Variants in TBC1D22A observed in about 807,000 individuals in gnomAD.
The protein encoded by TBC1D22A is putative GTPase activator.
TBC1D22A carries 38 observed loss-of-function variants against 60.2 expected under a neutral mutation model. That is an observed-to-expected ratio of 0.63 (90% CI 0.49 to 0.83). The LOEUF (loss-of-function observed/expected upper bound fraction) is 0.83. Ranked by LOEUF, TBC1D22A falls within the 40% of genes least tolerant of loss-of-function variation. The pLI is 0.00. For missense variants in TBC1D22A, 628 were observed against 701.0 expected, an observed-to-expected ratio of 0.90 and a Z score of 1.18; for synonymous variants, 302 against 281.7, an observed-to-expected ratio of 1.07 and a Z score of -0.72.
chr22:47,016,459 A>G (rs960377266), intron 10 of TBC1D22A, among the ~76,000 whole-genome samples: 5 of 146,102 alleles, frequency 3.4e-5, no homozygotes, highest in Non-Finnish European at 7.7e-5. Flanking sequence ...TGTTTTGAAT[A>G]CAGTCCTTGC....
chr22:46,852,394 G>A (rs1382710101), intron 4 of TBC1D22A, among the ~76,000 whole-genome samples: 1 of 152,154 alleles, frequency 6.6e-6, no homozygotes, highest in Non-Finnish European at 1.5e-5. Flanking sequence ...TTTCTTCAGC[G>A]ACACCATTCA....
chr22:46,991,138 C>G (rs2074924363), intron 9 of TBC1D22A, among the ~76,000 whole-genome samples: 1 of 152,140 alleles, frequency 6.6e-6, no homozygotes, highest in South Asian at 2.1e-4. Context: ...GTGATGGAGC[C>G]CTTCCTCTCT....
At chr22:46,966,085 C>G (rs1368366494) in intron 8 of TBC1D22A, among the ~76,000 whole-genome samples, 1 of 152,198 alleles carries the variant, frequency 6.6e-6, no homozygotes, top group Non-Finnish European at 1.5e-5. Flanking sequence ...AGGGAAGTCT[C>G]TGGGGCCTCC....
chr22:47,017,683 A>G (rs530054232), intron 10 of TBC1D22A, among the ~76,000 whole-genome samples: 1 of 152,208 alleles, frequency 6.6e-6, no homozygotes, highest in Non-Finnish European at 1.5e-5. Flanking sequence ...CGTTACGAGA[A>G]GTGAGAATTT....
chr22:47,046,956 CT>C (rs779607165), intron 11 of TBC1D22A, among the ~76,000 whole-genome samples: 10 of 152,186 alleles, frequency 6.6e-5, no homozygotes, highest in Non-Finnish European at 1.5e-4. Context: ...AAAGAGTGTA[CT>C]TTCTTTGGGG....
intron 8 of TBC1D22A, among the ~76,000 whole-genome samples, chr22:46,931,898 C>T (rs1232031489): frequency 6.6e-6 from 1 of 152,184 alleles, no homozygotes; most frequent in Non-Finnish European, 1.5e-5. Context: ...ACTTTAAAAG[C>T]TTAATGGCAT....
rs182494404 is a variant in TBC1D22A at position 47,080,432 on chromosome 22, G to T, written c.1330-31076G>T. Among the ~76,000 whole-genome samples the T allele has an allele frequency of 9.5e-4, 144 of 152,260 alleles. 1 individual carries two copies. The highest frequency in any genetic ancestry group is 3.2e-3 in the African/African-American group (134 of 41,556). On this transcript the variant is annotated intron_variant, in intron 11 of 12. Transcript: ENST00000337137. Reference sequence around the variant, plus strand: ...ATCTAACTCTAATAGAATTAAGTTAGAAATTAATCAGAAAGATAAAAATCT... The same window carrying T: ...ATCTAACTCTAATAGAATTAAGTTATAAATTAATCAGAAAGATAAAAATCT...
At chr22:47,147,106 A>C (rs1272357810) in intron 12 of TBC1D22A, among the ~76,000 whole-genome samples, 1 of 152,218 alleles carries the variant, frequency 6.6e-6, no homozygotes, top group Non-Finnish European at 1.5e-5. Context: ...CAGAAGGGCG[A>C]GGGAGGAGCA....
At position 47,136,125 on chromosome 22, in the gene TBC1D22A, T is replaced by C. The variant is rs1601628543; in HGVS notation, c.1425+24522T>C. Among the ~76,000 whole-genome samples, 3 of 152,346 alleles carry C rather than the reference T, an allele frequency of 2.0e-5. 1 individual carries two copies. ...TGAGGCACGATGGTGTGGAAGGCCT[T>C]GGATACTCGGGGGCCAAGGCCCAGG... On this transcript the variant is annotated intron_variant, in intron 12 of 12. Transcript: ENST00000337137.
At chr22:46,870,898 A>C (rs1767129974) in intron 4 of TBC1D22A, among the ~76,000 whole-genome samples, 1 of 152,142 alleles carries the variant, frequency 6.6e-6, no homozygotes, top group Non-Finnish European at 1.5e-5. Flanking sequence ...ACCTCCCAAC[A>C]CTGTTGCACT....
intron 10 of TBC1D22A, among the ~76,000 whole-genome samples, chr22:46,998,488 T>C (rs143981656): frequency 3.3e-5 from 5 of 152,240 alleles, no homozygotes; most frequent in Non-Finnish European, 5.9e-5. Context: ...TTTCACAGAA[T>C]GTGGAGACAA....
intron 8 of TBC1D22A, among the ~76,000 whole-genome samples, chr22:46,964,646 T>A (rs189782660): frequency 5.1e-4 from 77 of 152,374 alleles, no homozygotes; most frequent in African/African-American, 1.8e-3. Flanking sequence ...CATATCCTTC[T>A]GTGATTATAT....
chr22:46,982,316 C>T (rs536937466), intron 9 of TBC1D22A, among the ~76,000 whole-genome samples: 4 of 151,888 alleles, frequency 2.6e-5, no homozygotes, highest in East Asian at 1.9e-4. Flanking sequence ...CTCTGCCTCC[C>T]GGGTTCAAGC....
chr22:46,779,774 G>GC (rs929139332), intron 1 of TBC1D22A, among the ~76,000 whole-genome samples: 4 of 152,216 alleles, frequency 2.6e-5, no homozygotes, highest in Non-Finnish European at 4.4e-5. Flanking sequence ...ACAAAATGCA[G>GC]CCCCTGTAGC....
Position 47,023,726 on chromosome 22 carries a change from T to C in TBC1D22A, c.1202-13345T>C, listed in dbSNP as rs1004586271. 2.6e-5 allele frequency among the ~76,000 whole-genome samples: 4 copies of C among 152,204 alleles called. No individual in the cohort carries two copies. In the South Asian group the frequency reaches 8.3e-4, roughly 32 times the overall value. ...CAAAGAACAGCAAACCAGAGAAACC[T>C]GTTAACCAGCAAAAGTATCTTTCAG... On this transcript the variant is annotated intron_variant, in intron 10 of 12. Transcript: ENST00000337137.
intron 10 of TBC1D22A, among the ~76,000 whole-genome samples, chr22:47,036,174 C>A (rs557896267): frequency 2.4e-4 from 36 of 152,196 alleles, no homozygotes; most frequent in African/African-American, 7.7e-4. Flanking sequence ...GGTGCACCTG[C>A]GTTTTAAAAA....
rs60599043 is a variant in TBC1D22A, at chr22:47,161,273, C to T, written c.1426-12225C>T. Among the ~76,000 whole-genome samples, 1,305 of 152,302 alleles carry T rather than the reference C, an allele frequency of 8.6e-3. 20 individuals are homozygous for T. Among genetic ancestry groups the T allele is most frequent in the African/African-American group, 0.03 (1,245 of 41,554 alleles). The stretch of plus-strand genomic sequence containing the variant: ...GACAACTGGAGGACAGCTATTTTCC[C>T]TCCCAGGCTGGCGACTGTCGGGGGC... On this transcript the variant is annotated intron_variant, in intron 12 of 12. Transcript: ENST00000337137.
Position 47,009,679 on chromosome 22 carries a change from G to A in TBC1D22A, c.1201+11970G>A, listed in dbSNP as rs1325961118. Among the ~76,000 whole-genome samples, 2 of 149,116 alleles carry A rather than the reference G, an allele frequency of 1.3e-5. No individual in the cohort carries two copies. The highest frequency in any genetic ancestry group is 5.0e-5 in the African/African-American group (2 of 40,344). ...ATCACCATCATCATCACTATCACCAGCATCATTTCATCACCATCACCACCA... is the reference window on the plus strand; with the variant it reads ...ATCACCATCATCATCACTATCACCAACATCATTTCATCACCATCACCACCA... On this transcript the variant is annotated intron_variant, in intron 10 of 12. Coordinates refer to ENST00000337137, the MANE Select transcript of TBC1D22A (RefSeq NM_014346.5). This position sits in a 1 kb window ranked among gnomAD's most constrained non-coding sequence, Gnocchi z 5.8.
chr22:46,856,673 C>T (rs1397288622), intron 4 of TBC1D22A, among the ~76,000 whole-genome samples: 2 of 152,166 alleles, frequency 1.3e-5, no homozygotes, highest in Admixed American at 1.3e-4. Context: ...AGATTAGTTG[C>T]AGTTTGCCTT....
Sources: gnomAD v4.1 joint callset for allele counts (sites outside exome capture counted in the v4.1 genomes callset) on GRCh38, gnomAD v4.1.1 for gene constraint, Gnocchi (gnomAD v3.1) non-coding constraint, MANE v1.5 for transcripts, NCBI Gene and HGNC (gene_info 2026-07-23, HGNC 2026-07-21) for gene names.